Variants in CFAP61 observed in about 807,000 individuals in gnomAD.
CFAP61 encodes cilia and flagella associated protein 61, also known as cilia- and flagella-associated protein 61.
Under a neutral mutation model 135.6 loss-of-function variants are expected in CFAP61, and 107 were observed. The observed-to-expected ratio is 0.79, with a 90% confidence interval of 0.67 to 0.93. The LOEUF (loss-of-function observed/expected upper bound fraction) is 0.93. CFAP61 is among the 40% of genes least tolerant of loss of function. CFAP61 has a pLI of 0.00. For missense variants in CFAP61, 1,507 were observed against 1,556.2 expected, an observed-to-expected ratio of 0.97 and a Z score of 0.53; for synonymous variants, 575 against 578.5, an observed-to-expected ratio of 0.99 and a Z score of 0.09.
chr20:20,103,882 C>G (rs146228201), intron 8 of CFAP61, among the ~76,000 whole-genome samples: 338 of 152,242 alleles, frequency 2.2e-3, no homozygotes, highest in African/African-American at 7.7e-3. Flanking sequence ...ACTGGCATTG[C>G]CGCATTTAAT....
chr20:20,098,536 G>A (rs1271029920), intron 7 of CFAP61, 119 bp from the exon 8 acceptor site: 8 of 819,162 alleles, frequency 9.8e-6, no homozygotes, highest in Middle Eastern at 7.4e-4. Flanking sequence ...TTGAACTGAG[G>A]AGGCGGAGGT....
chr20:20,078,086 G>C (rs910695606), intron 6 of CFAP61, among the ~76,000 whole-genome samples: 21 of 152,154 alleles, frequency 1.4e-4, no homozygotes, highest in Non-Finnish European at 2.9e-4. Flanking sequence ...GGCCTGCCCT[G>C]CTGTCATGTT....
chr20:20,056,944 C>T, intron 2 of CFAP61, 148 bp downstream of exon 2: 2 of 664,804 alleles, frequency 3.0e-6, no homozygotes, highest in South Asian at 1.8e-5. Flanking sequence ...ATGGCAAAAC[C>T]TCATCTCTAC....
At chr20:20,090,558 T>C (rs867689972) in intron 6 of CFAP61, among the ~76,000 whole-genome samples, 4 of 151,678 alleles carry the variant, frequency 2.6e-5, no homozygotes, top group African/African-American at 7.3e-5. Context: ...GGCGTGGTGG[T>C]GCATGCCTAT....
chr20:20,204,319 T>C (rs2056765947), intron 17 of CFAP61, among the ~76,000 whole-genome samples: 1 of 152,054 alleles, frequency 6.6e-6, no homozygotes, highest in South Asian at 2.1e-4. Flanking sequence ...TGCATTCATT[T>C]CTCCACATTT....
chr20:20,052,695 ACGAGTGGCTCTGTCGAGC>A, intron 1 of CFAP61, 104 bp downstream of exon 1: 18 of 1,612,528 alleles, frequency 1.1e-5, no homozygotes, highest in Non-Finnish European at 1.5e-5. Context: ...CCAGGCGAGG[ACGAGTGGCTCTGTCGAGC>A]CGTGGCGCCC....
Position 20,085,659 on chromosome 20 carries a change from C to T in CFAP61, c.567-5185C>T, listed in dbSNP as rs138441033. 2.7e-3 allele frequency: 1,357 copies of T among 498,880 alleles called. 16 individuals carry two copies. Among genetic ancestry groups the T allele is most frequent in the African/African-American group, 0.024 (1,211 of 50,108 alleles). The allele number at this position is 498,880 out of a possible 1,614,324, so 30.9% of individuals were successfully genotyped here. On this transcript the variant is annotated intron_variant, in intron 6 of 26. Transcript: ENST00000245957. Reference sequence around the variant, plus strand: ...TACAGAGTAATATTTCTGTGTCCATCGTATATTTAAAAGCCTATGGTGCAC... The same window carrying T: ...TACAGAGTAATATTTCTGTGTCCATTGTATATTTAAAAGCCTATGGTGCAC...
chr20:20,243,548 C>A (rs942268533), intron 18 of CFAP61, among the ~76,000 whole-genome samples: 5 of 151,856 alleles, frequency 3.3e-5, no homozygotes, highest in African/African-American at 9.7e-5. Flanking sequence ...AGTGATTCTT[C>A]TGCCTCAGCC....
rs191081910 is a variant in CFAP61 at position 20,184,183 on chromosome 20, C to T, written c.1386-3747C>T. 1.0e-3 allele frequency among the ~76,000 whole-genome samples: 155 copies of T among 152,276 alleles called. 1 individual carries two copies. The highest frequency in any genetic ancestry group is 2.4e-4 in the Non-Finnish European group (16 of 68,020). ...AAGATGTCCACTTATTCTCACTTTC[C>T]AGTCCAGTATCCAACAACACTCTTT... On this transcript the variant is annotated intron_variant, in intron 13 of 26. Transcript: ENST00000245957.
rs1206996214 is a variant in CFAP61 at position 20,277,776 on chromosome 20, GT to G, written c.2796+319del. Reference sequence around the variant, plus strand: ...CTCATGCGGCTGAAGTCAGCAGTGGGTGGGCTGGAATTGTCTCAAAAGCATA... The same window carrying G: ...CTCATGCGGCTGAAGTCAGCAGTGGGGGGCTGGAATTGTCTCAAAAGCATA... On this transcript the variant is annotated intron_variant, in intron 22 of 26. Transcript: ENST00000245957. Among the ~76,000 whole-genome samples the G allele has an allele frequency of 9.2e-5, 14 of 152,188 alleles. 1 individual carries two copies. The highest frequency in any genetic ancestry group is 1.5e-5 in the Non-Finnish European group (1 of 68,034).
At position 20,118,251 on chromosome 20, in the gene CFAP61, A is replaced by ATGTTTGTT. The variant is rs1371575120; in HGVS notation, c.859+19442_859+19443insGTTTGTTT. ...TATATGGTCTTCATTATTTTGAGGT[A>ATGTTTGTT]TGTTTCTTTCTTTCTTTCTTTCTTT... On this transcript the variant is annotated intron_variant, in intron 8 of 26. Coordinates refer to ENST00000245957, the MANE Select transcript of CFAP61 (RefSeq NM_015585.4). Among the ~76,000 whole-genome samples the ATGTTTGTT allele has an allele frequency of 2.3e-3, 260 of 113,728 alleles. 2 individuals are homozygous for ATGTTTGTT. The highest frequency in any genetic ancestry group is 7.5e-3 in the African/African-American group (238 of 31,790). The allele number at this position is 113,728 out of a possible 152,430, so 74.6% of individuals were successfully genotyped here. A position where few individuals can be genotyped will look rare whatever the true frequency, so the allele number is the denominator to read the frequency against.
chr20:20,213,275 A>G (rs757316340), intron 17 of CFAP61, among the ~76,000 whole-genome samples: 6 of 152,220 alleles, frequency 3.9e-5, no homozygotes, highest in Non-Finnish European at 8.8e-5. Flanking sequence ...ATCAGATGCA[A>G]TTAAAACATG....
chr20:20,356,145 T>G (rs1365831649), intron 26 of CFAP61, among the ~76,000 whole-genome samples: 12 of 76,106 alleles, frequency 1.6e-4, no homozygotes, highest in South Asian at 5.7e-4. Flanking sequence ...TGAGAGGAGG[T>G]GGTCACACTG....
intron 25 of CFAP61, among the ~76,000 whole-genome samples, chr20:20,300,856 T>A (rs919723449): frequency 6.6e-6 from 1 of 152,114 alleles, no homozygotes; most frequent in Non-Finnish European, 1.5e-5. Context: ...TCCACCCGCC[T>A]CCGCCTCCCA....
In CFAP61 at chr20:20,164,352, A is replaced by AT. The variant is rs2053648167; in HGVS notation, c.1205+130dup. On this transcript the variant is annotated intron_variant, in intron 11 of 26. Coordinates refer to ENST00000245957, the MANE Select transcript of CFAP61 (RefSeq NM_015585.4). The stretch of plus-strand genomic sequence containing the variant: ...GGCCCACATCCTAATCTCCTGGGGA[A>AT]TTTTTTAAAACACAAATTCCTAAGC... 4.2e-6 allele frequency: 4 copies of AT among 958,676 alleles called. No homozygotes were observed. In the South Asian group the frequency reaches 5.2e-5, roughly 13 times the overall value. 59.4% of individuals were successfully genotyped at this position (958,676 alleles called of 1,614,324 possible).
At chr20:20,111,118 C>A (rs1295589426) in intron 8 of CFAP61, among the ~76,000 whole-genome samples, 1 of 151,986 alleles carries the variant, frequency 6.6e-6, no homozygotes, top group Non-Finnish European at 1.5e-5. Flanking sequence ...TTATAATCAC[C>A]CCAATTTTGA....
chr20:20,342,040 A>G, intron 26 of CFAP61, 119 bp downstream of exon 26: 1 of 647,272 alleles, frequency 1.5e-6, no homozygotes. Flanking sequence ...TTAAAACAAC[A>G]GTATCTCATA....
chr20:20,063,716 A>G (rs2045002559), intron 2 of CFAP61, among the ~76,000 whole-genome samples: 1 of 152,200 alleles, frequency 6.6e-6, no homozygotes, highest in Admixed American at 6.5e-5. Flanking sequence ...GGAAAGAAAA[A>G]GCAATAAAAT....
At position 20,106,867 on chromosome 20, in the gene CFAP61, G is replaced by A. The variant is rs1398344243; in HGVS notation, c.859+8053G>A. ...ACGAAAGATTATGCAAAAAAAATCC[G>A]TGTTTAAAATAATGTTGATATGCCA... is the stretch of plus-strand genomic sequence containing the variant. On this transcript the variant is annotated intron_variant, in intron 8 of 26. Transcript: ENST00000245957. Among the ~76,000 whole-genome samples, 13 of 152,262 alleles carry A rather than the reference G, an allele frequency of 8.5e-5. 1 individual carries two copies. The South Asian group carries it at 2.5e-3, about 29-fold the overall frequency.
Sources: gnomAD v4.1 joint callset for allele counts (sites outside exome capture counted in the v4.1 genomes callset) on GRCh38, gnomAD v4.1.1 for gene constraint, MANE v1.5 for transcripts, NCBI Gene and HGNC (gene_info 2026-07-23, HGNC 2026-07-21) for gene names.